Variants in SHANK2 observed in about 807,000 individuals in gnomAD.
SHANK2 encodes the protein SH3 and multiple ankyrin repeat domains 2.
In SHANK2, 43 loss-of-function variants were observed where a neutral mutation model predicts 133.7. The observed-to-expected ratio is 0.32, with a 90% confidence interval of 0.25 to 0.41. The LOEUF (loss-of-function observed/expected upper bound fraction) is 0.41, where lower values mean the gene tolerates loss of function less well. Among genes scored for constraint, SHANK2 ranks in the 10% least tolerant of loss-of-function variants. SHANK2 has a pLI of 1.00. For synonymous variants in SHANK2, 1,017 were observed against 952.8 expected, an observed-to-expected ratio of 1.07 and a Z score of -1.24; for missense variants, 1,994 against 2,235.8, an observed-to-expected ratio of 0.89 and a Z score of 2.18.
chr11:70,731,316 C>A (rs531107996), intron 14 of SHANK2, among the ~76,000 whole-genome samples: 1 of 152,188 alleles, frequency 6.6e-6, no homozygotes, highest in Non-Finnish European at 1.5e-5. Flanking sequence ...TGACTTCCAG[C>A]CTCCAGAACA....
intron 17 of SHANK2, among the ~76,000 whole-genome samples, chr11:70,646,834 TTTATTTATTTATTTATTTA>T (rs1565210671): frequency 1.8e-4 from 14 of 77,590 alleles, no homozygotes; most frequent in Admixed American, 2.5e-4. Flanking sequence ...ATTTATTTTA[TTTATTTATTTATTTATTTA>T]TTTATTTATT....
At position 70,487,253 on chromosome 11, in the gene SHANK2, C is replaced by T. The variant is rs782113385; in HGVS notation, c.3040G>A (p.Val1014Met). ...AKPARRKGML[V>M]KQSNVEDSPE... is the part of the protein sequence containing the mutation. ...CTGTCCTCCACGTTGGACTGCTTCACCAGCATCCCCTTCCGCCTGGCGGGC... is the reference window on the plus strand; with the variant it reads ...CTGTCCTCCACGTTGGACTGCTTCATCAGCATCCCCTTCCGCCTGGCGGGC... Residue 1014 changes from valine (V) to methionine (M), a missense_variant, in exon 25 of 26, where the codon GTG becomes ATG. Transcript: ENST00000601538. This position sits in a 1 kb window ranked among gnomAD's most constrained non-coding sequence, Gnocchi z 5.8. 1 of 1,614,226 alleles carries T rather than the reference C, an allele frequency of 6.2e-7. No individual in the cohort carries two copies. Among genetic ancestry groups the T allele is most frequent in the African/African-American group, 1.3e-5 (1 of 75,066 alleles).
intron 11 of SHANK2, among the ~76,000 whole-genome samples, chr11:70,821,016 C>G (rs1948509351): frequency 6.6e-6 from 1 of 152,180 alleles, no homozygotes; most frequent in Non-Finnish European, 1.5e-5. Context: ...GACGGGCCAC[C>G]CCATCACACA....
intron 9 of SHANK2, among the ~76,000 whole-genome samples, chr11:71,058,444 CAGT>C (rs1283281623): frequency 1.3e-5 from 2 of 152,216 alleles, no homozygotes; most frequent in Non-Finnish European, 2.9e-5. Context: ...AAAAAGGCAG[CAGT>C]AGAATACTGA....
intron 2 of SHANK2, among the ~76,000 whole-genome samples, chr11:71,211,642 CAAAA>C (rs35529960): frequency 1.7e-5 from 2 of 117,980 alleles, no homozygotes. Flanking sequence ...TGAGCATTTG[CAAAA>C]AAAAAAAAAA....
At chr11:70,710,443 G>C (rs1242372811) in intron 14 of SHANK2, among the ~76,000 whole-genome samples, 1 of 152,314 alleles carries the variant, frequency 6.6e-6, no homozygotes, top group African/African-American at 2.4e-5. Context: ...TGCTGAATGC[G>C]GACTGTGCCG....
intron 17 of SHANK2, among the ~76,000 whole-genome samples, chr11:70,637,635 G>C (rs1251665244): frequency 6.6e-6 from 1 of 152,242 alleles, no homozygotes; most frequent in Non-Finnish European, 1.5e-5. Context: ...AGGAAGGCCG[G>C]GGCACAAAGG....
Position 70,576,047 on chromosome 11 carries a change from T to C in SHANK2, c.2062-73116A>G, listed in dbSNP as rs529350692. Among the ~76,000 whole-genome samples the C allele has an allele frequency of 1.1e-4, 16 of 152,060 alleles. 1 individual carries two copies. Among genetic ancestry groups the C allele is most frequent in the Admixed American group, 5.9e-4 (9 of 15,260 alleles). On this transcript the variant is annotated intron_variant, in intron 17 of 25. Transcript: ENST00000601538. ...CCCATTTCCCAGAGTGGAAATGTGT[T>C]CCCCCCTCTCCCCACAAGGAGAGCA... is the stretch of plus-strand genomic sequence containing the variant.
At position 70,770,915 on chromosome 11, in the gene SHANK2, CTTTTTTTTTTTTTTTTT is replaced by C. The variant is rs71467419; in HGVS notation, c.1777+27511_1777+27527del. On this transcript the variant is annotated intron_variant, in intron 14 of 25. Coordinates refer to ENST00000601538, the MANE Select transcript of SHANK2 (RefSeq NM_012309.5). ...TCTCTCCTTCCCTCCCTCTTACTTC[CTTTTTTTTTTTTTTTTT>C]TTTTTTTTTTTTGACAGGGTCTCAC... is the stretch of plus-strand genomic sequence containing the variant. Among the ~76,000 whole-genome samples, 698 of 92,884 alleles carry C rather than the reference CTTTTTTTTTTTTTTTTT, an allele frequency of 7.5e-3. 13 individuals carry two copies. The highest frequency in any genetic ancestry group is 0.032 in the African/African-American group (662 of 20,860). The allele number at this position is 92,884 out of a possible 152,430, so 60.9% of individuals were successfully genotyped here. A position where few individuals can be genotyped will look rare whatever the true frequency, so the allele number is the denominator to read the frequency against.
chr11:70,557,165 TTCATTC>T (rs2059843861), intron 17 of SHANK2, among the ~76,000 whole-genome samples: 1 of 151,962 alleles, frequency 6.6e-6, no homozygotes, highest in Non-Finnish European at 1.5e-5. Context: ...CATTCATTCA[TTCATTC>T]ATTCATTCAT....
chr11:71,076,596 A>G (rs1187375950), intron 8 of SHANK2, among the ~76,000 whole-genome samples: 1 of 151,356 alleles, frequency 6.6e-6, no homozygotes, highest in African/African-American at 2.4e-5. Flanking sequence ...GTCTCCCACA[A>G]ATCTCATTAA....
At chr11:71,241,658 C>G (rs987135406) in intron 1 of SHANK2, among the ~76,000 whole-genome samples, 2 of 152,308 alleles carry the variant, frequency 1.3e-5, no homozygotes, top group South Asian at 4.1e-4. Context: ...AGATGAGACA[C>G]CCCCACCAGG....
At chr11:70,592,994 G>A (rs1283148829) in intron 17 of SHANK2, among the ~76,000 whole-genome samples, 3 of 152,224 alleles carry the variant, frequency 2.0e-5, no homozygotes, top group Non-Finnish European at 4.4e-5. Flanking sequence ...CTCACGAAGG[G>A]AGCCTGCAGC....
At chr11:71,237,643 A>G (rs1463142011) in intron 1 of SHANK2, among the ~76,000 whole-genome samples, 1 of 152,210 alleles carries the variant, frequency 6.6e-6, no homozygotes, top group African/African-American at 2.4e-5. Context: ...ACTTACAGGG[A>G]GGTTCCGGCA....
chr11:71,081,285 G>C (rs1365499249), intron 8 of SHANK2, among the ~76,000 whole-genome samples: 1 of 152,214 alleles, frequency 6.6e-6, no homozygotes, highest in Non-Finnish European at 1.5e-5. Flanking sequence ...AATGTCTATT[G>C]TTTGAGGAAC....
At chr11:71,154,110 G>A (rs1235284348) in intron 2 of SHANK2, among the ~76,000 whole-genome samples, 4 of 152,202 alleles carry the variant, frequency 2.6e-5, no homozygotes, top group Admixed American at 1.3e-4. Context: ...CATGGAAACC[G>A]AGATTTTGTG....
intron 14 of SHANK2, among the ~76,000 whole-genome samples, chr11:70,734,173 G>A (rs1946350811): frequency 6.6e-6 from 1 of 152,182 alleles, no homozygotes; most frequent in Non-Finnish European, 1.5e-5. Flanking sequence ...GGGAGTGCCG[G>A]GCAGCAGGTG....
chr11:70,772,311 G>A (rs940238805), intron 14 of SHANK2, among the ~76,000 whole-genome samples: 9 of 151,532 alleles, frequency 5.9e-5, no homozygotes, highest in South Asian at 2.1e-4. Context: ...GTGGTGGCGC[G>A]CGCCTGTAAT....
chr11:70,782,726 A>G (rs1208832493), intron 14 of SHANK2, among the ~76,000 whole-genome samples: 1 of 152,248 alleles, frequency 6.6e-6, no homozygotes, highest in Non-Finnish European at 1.5e-5. Flanking sequence ...AAACTGGCGC[A>G]TGGCCAAAGA....
Sources: allele counts gnomAD v4.1 joint callset (sites outside exome capture counted in the v4.1 genomes callset), GRCh38; gene constraint gnomAD v4.1.1; non-coding constraint Gnocchi (gnomAD v3.1); transcripts MANE v1.5; gene names NCBI Gene and HGNC (gene_info 2026-07-23, HGNC 2026-07-21).